The following ERCC8 variants were observed in gnomAD, a reference collection of about 807,000 sequenced individuals.
ERCC8 encodes DNA excision repair protein ERCC-8.
In ERCC8, 52 loss-of-function variants were observed where a neutral mutation model predicts 54.9. The observed-to-expected ratio is 0.95, with a 90% CI of 0.76 to 1.19. The LOEUF is 1.19. ERCC8 is among the 50% of genes most tolerant of loss of function. The pLI is 0.00. For synonymous variants in ERCC8, 146 were observed against 157.2 expected, an observed-to-expected ratio of 0.93 and a Z score of 0.53; for missense variants, 514 against 466.1, an observed-to-expected ratio of 1.10 and a Z score of -0.95.
intron 7 of ERCC8, 30 bp from the exon 8 acceptor site, chr5:60,899,757 A>C (rs1748821904): frequency 6.6e-7 from 1 of 1,516,832 alleles, no homozygotes; most frequent in Non-Finnish European, 9.1e-7. Flanking sequence ...ACATTGACAT[A>C]TGTAGCTAGG....
intron 4 of ERCC8, among the ~76,000 whole-genome samples, chr5:60,911,682 T>C (rs892779807): frequency 3.3e-5 from 5 of 152,210 alleles, no homozygotes; most frequent in African/African-American, 9.6e-5. Flanking sequence ...ATGTCCTGAA[T>C]GGTACTGCCT....
chr5:60,875,230 T>A (rs150260438), intron 11 of ERCC8, among the ~76,000 whole-genome samples: 2 of 152,354 alleles, frequency 1.3e-5, no homozygotes, highest in Non-Finnish European at 2.9e-5. Context: ...AGTAGTGATA[T>A]TTATGTACTT....
chr5:60,880,850 CCT>C (rs1748193201), intron 11 of ERCC8, among the ~76,000 whole-genome samples: 1 of 152,122 alleles, frequency 6.6e-6, no homozygotes, highest in South Asian at 2.1e-4. Context: ...CGTCTGAAGC[CCT>C]TTTTTCTCAA....
intron 4 of ERCC8, among the ~76,000 whole-genome samples, chr5:60,907,983 C>G (rs1224757650): frequency 1.3e-5 from 2 of 152,220 alleles, no homozygotes; most frequent in Non-Finnish European, 2.9e-5. Flanking sequence ...CTCCCATCCT[C>G]TTTAAAGCAA....
At chr5:60,878,644 C>G (rs1377845492) in intron 11 of ERCC8, among the ~76,000 whole-genome samples, 1 of 152,128 alleles carries the variant, frequency 6.6e-6, no homozygotes, top group Non-Finnish European at 1.5e-5. Context: ...TCTAGATTTT[C>G]TAGTTTATTT....
At chr5:60,902,548 GA>G (rs777303378) in intron 6 of ERCC8, 40 bp from the exon 7 acceptor site, 13 of 1,536,546 alleles carry the variant, frequency 8.5e-6, no homozygotes, top group Non-Finnish European at 1.2e-5. Flanking sequence ...CAAGATATCT[GA>G]AAAATCAGAA....
In ERCC8 at chr5:60,873,587, G is replaced by T. The variant is rs1360869368; in HGVS notation, c.*1028C>A. Among the ~76,000 whole-genome samples the T allele has an allele frequency of 6.6e-6, 1 of 152,162 alleles. No homozygotes were observed. Among genetic ancestry groups the T allele is most frequent in the Non-Finnish European group, 1.5e-5 (1 of 68,040 alleles). On this transcript the variant is annotated 3_prime_UTR_variant, in exon 12 of 12. Coordinates refer to ENST00000676185, the MANE Select transcript of ERCC8 (RefSeq NM_000082.4). ...AGCTACTCAGGAGGCTTAGGCAGGA[G>T]AATTGCTTGAACCTGGGAGGTGAAG...
At chr5:60,917,888 T>C (rs988034066) in intron 4 of ERCC8, 1 of 205,726 alleles carries the variant, frequency 4.9e-6, no homozygotes, top group Non-Finnish European at 1.0e-5. Flanking sequence ...TTTTCTACTT[T>C]AGATTACTAG....
chr5:60,910,031 T>C (rs1488613177), intron 4 of ERCC8: 1 of 152,164 alleles, frequency 6.6e-6, no homozygotes, highest in Non-Finnish European at 1.5e-5. Context: ...GTTGTGTTAA[T>C]TGACTGTTTA....
intron 9 of ERCC8, among the ~76,000 whole-genome samples, chr5:60,898,009 A>C (rs568654429): frequency 6.0e-4 from 92 of 152,146 alleles, no homozygotes; most frequent in African/African-American, 2.2e-3. Context: ...TCAGTCTTTT[A>C]TTTTTCTCTA....
chr5:60,942,647 A>G (rs1750295467), intron 1 of ERCC8, among the ~76,000 whole-genome samples: 1 of 152,228 alleles, frequency 6.6e-6, no homozygotes, highest in African/African-American at 2.4e-5. Flanking sequence ...AAGCAGAGAA[A>G]GAAGGGAGAC....
In ERCC8 at chr5:60,891,005, A is replaced by C. The variant is rs1329937544; in HGVS notation, c.925T>G (p.Phe309Val). The change falls in exon 10 of 12, where the codon TTT (phenylalanine) becomes GTT (valine). Residue 309 changes from phenylalanine (F) to valine (V), a missense_variant. Transcript: ENST00000676185. ...VSCGCSSEFV[F>V]VPYGSTIAVY... ...GCAATGGTGCTACCATATGGTACAA[A>C]AACAAATTCTGAACTGCAGCCACAG... 6.2e-7 allele frequency: 1 copy of C among 1,613,620 alleles called. No homozygotes were observed. The highest frequency in any genetic ancestry group is 1.7e-5 in the Admixed American group (1 of 60,030).
chr5:60,924,932 T>C (rs77518885), intron 2 of ERCC8, among the ~76,000 whole-genome samples: 3,658 of 152,264 alleles, frequency 0.024, 63 homozygotes, highest in Non-Finnish European at 0.037. Flanking sequence ...ATTTATTATA[T>C]GTTTATAAAA....
At chr5:60,926,989 T>C (rs1749768528) in intron 2 of ERCC8, among the ~76,000 whole-genome samples, 1 of 152,164 alleles carries the variant, frequency 6.6e-6, no homozygotes, top group Non-Finnish European at 1.5e-5. Context: ...TTTTTGCTGA[T>C]AGAGTATGAA....
At chr5:60,878,773 C>T (rs143039108) in intron 11 of ERCC8, among the ~76,000 whole-genome samples, 1 of 151,764 alleles carries the variant, frequency 6.6e-6, no homozygotes, top group Non-Finnish European at 1.5e-5. Context: ...TTCTTTATTA[C>T]TCTTGCTAGT....
intron 4 of ERCC8, chr5:60,915,065 A>T (rs927134176): frequency 2.0e-5 from 3 of 152,028 alleles, no homozygotes; most frequent in Non-Finnish European, 2.9e-5. Flanking sequence ...GTCCTTGTAA[A>T]TTTTGAAATC....
chr5:60,918,196 C>A (rs1749493185), intron 4 of ERCC8, 69 bp downstream of exon 4: 3 of 1,240,722 alleles, frequency 2.4e-6, no homozygotes, highest in Non-Finnish European at 3.5e-6. Flanking sequence ...AATAATCATA[C>A]TAAAATGGTT....
At chr5:60,918,492 G>A (rs941575320) in intron 3 of ERCC8, 104 bp from the exon 4 acceptor site, 2 of 951,858 alleles carry the variant, frequency 2.1e-6, no homozygotes, top group African/African-American at 3.2e-5. Context: ...GATATGAATG[G>A]CCAAACCGAG....
At chr5:60,918,683 T>C (rs950432340) in intron 3 of ERCC8, 6 of 375,036 alleles carry the variant, frequency 1.6e-5, no homozygotes, top group Admixed American at 8.3e-5. Context: ...TGGTCTTCTT[T>C]CATCTTGAAA....
Sources: allele counts gnomAD v4.1 joint callset (sites outside exome capture counted in the v4.1 genomes callset), GRCh38; gene constraint gnomAD v4.1.1; transcripts MANE v1.5; gene names NCBI Gene and HGNC (gene_info 2026-07-23, HGNC 2026-07-21).